The following ZNF682 variants were observed in gnomAD, a reference collection of about 807,000 sequenced individuals.
ZNF682 encodes zinc finger protein 682.
Under a neutral mutation model 36.5 loss-of-function variants are expected in ZNF682, and 29 were observed. That is an observed-to-expected ratio of 0.80 (90% CI 0.59 to 1.08). The LOEUF (loss-of-function observed/expected upper bound fraction) is 1.08, where lower values mean the gene tolerates loss of function less well. Ranked by LOEUF, ZNF682 falls within the 50% of genes least tolerant of loss-of-function variation. The pLI is 0.00. For synonymous variants in ZNF682, 180 were observed against 197.0 expected (o/e 0.91, Z 0.72); for missense variants, 561 against 579.7 (o/e 0.97, Z 0.33).
At chr19:20,001,038 C>G (rs993016261), downstream of ZNF682, among the ~76,000 whole-genome samples, 1 of 152,186 alleles carries the variant, frequency 6.6e-6, no homozygotes, top group African/African-American at 2.4e-5. Flanking sequence ...TGTCCTAGGG[C>G]CTTCCCAGGA....
chr19:20,016,671 A>G (rs2122341911), intron 3 of ZNF682, among the ~76,000 whole-genome samples: 1 of 152,262 alleles, frequency 6.6e-6, no homozygotes, highest in African/African-American at 2.4e-5. Flanking sequence ...TAATACTGCC[A>G]ACAAAGAAAA....
chr19:20,019,733 C>T (rs928408675), intron 3 of ZNF682, among the ~76,000 whole-genome samples: 10 of 152,104 alleles, frequency 6.6e-5, no homozygotes, highest in Admixed American at 1.3e-4. Flanking sequence ...ACCTCAACAT[C>T]ACCAGTCATC....
intron 3 of ZNF682, chr19:20,015,247 C>T (rs1047231043): frequency 2.0e-6 from 2 of 985,098 alleles, no homozygotes; most frequent in African/African-American, 3.5e-5. Flanking sequence ...GAATTTACAA[C>T]AATTCTCATG....
At chr19:20,021,056 A>G (rs1383609051) in intron 3 of ZNF682, among the ~76,000 whole-genome samples, 3 of 48,884 alleles carry the variant, frequency 6.1e-5, no homozygotes, top group African/African-American at 3.2e-4. Context: ...TCCCTGGGCC[A>G]CAGTGGAAGA....
rs951664639 is a variant in ZNF682 at position 20,005,080 on chromosome 19, GTTCT to G, written c.*921_*924del. ...GTTAAATGCTTTCATATAAACTAGC[GTTCT>G]TTCTTTTTTTTTGAGACAGAGTCTC... On this transcript the variant is annotated 3_prime_UTR_variant, in exon 4 of 4. Transcript: ENST00000397165. The G allele has an allele frequency of 2.6e-5, 4 of 151,692 alleles. No individual in the cohort carries two copies. The highest frequency in any genetic ancestry group is 1.5e-5 in the Non-Finnish European group (1 of 67,924). 9.4% of individuals were successfully genotyped at this position (151,692 alleles called of 1,614,324 possible).
intron 1 of ZNF682, among the ~76,000 whole-genome samples, chr19:20,025,494 G>A (rs780052082): frequency 7.9e-5 from 12 of 152,098 alleles, no homozygotes; most frequent in South Asian, 2.1e-4. Context: ...TGGCTAACAT[G>A]GTGAAACTCC....
intron 1 of ZNF682, among the ~76,000 whole-genome samples, chr19:20,034,636 G>C (rs2088511220): frequency 6.6e-6 from 1 of 151,820 alleles, no homozygotes; most frequent in South Asian, 2.1e-4. Flanking sequence ...AGCCGGGCTT[G>C]GTGGCGCATG....
chr19:20,032,488 C>CAAATTG (rs920714117), intron 1 of ZNF682, among the ~76,000 whole-genome samples: 1 of 152,126 alleles, frequency 6.6e-6, no homozygotes, highest in African/African-American at 2.4e-5. Flanking sequence ...ACCATTTTGC[C>CAAATTG]TGCAATTTGG....
intron 3 of ZNF682, among the ~76,000 whole-genome samples, chr19:20,022,690 C>G (rs1261662505): frequency 6.6e-6 from 1 of 151,924 alleles, no homozygotes; most frequent in Non-Finnish European, 1.5e-5. Flanking sequence ...AATAGTTTAA[C>G]ATAGAGTTCC....
In ZNF682 at chr19:20,006,816, T is replaced by C; in HGVS notation, c.686A>G (p.Tyr229Cys). 6.2e-7 allele frequency: 1 copy of C among 1,614,140 alleles called. No homozygotes were observed. Among genetic ancestry groups the C allele is most frequent in the East Asian group, 2.2e-5 (1 of 44,870 alleles). The change falls in exon 4 of 4, where the codon TAC (tyrosine) becomes TGC (cysteine). Residue 229 changes from tyrosine (Y) to cysteine (C), a missense_variant. Physicochemically the swap from Tyr to Cys is radical, Grantham distance 194. Coordinates refer to ENST00000397165, the MANE Select transcript of ZNF682 (RefSeq NM_033196.3). ...HKRIHTGEKP[Y>C]KCEECGKAFN... ...AGCTTTGCCACATTCTTCACATTTG[T>C]ATGGTTTCTCTCCAGTGTGAATTCT...
At chr19:20,022,215 A>G (rs2088391051) in intron 3 of ZNF682, among the ~76,000 whole-genome samples, 1 of 151,714 alleles carries the variant, frequency 6.6e-6, no homozygotes, top group Non-Finnish European at 1.5e-5. Context: ...AAGAAACTTC[A>G]TAAGAAATCA....
intron 1 of ZNF682, among the ~76,000 whole-genome samples, chr19:20,028,085 A>G (rs531372180): frequency 2.6e-5 from 4 of 152,240 alleles, no homozygotes; most frequent in African/African-American, 9.6e-5. Flanking sequence ...GTATTTCTTC[A>G]AACTGGCCAT....
At chr19:20,012,864 T>C (rs2122329041) in intron 3 of ZNF682, among the ~76,000 whole-genome samples, 1 of 146,018 alleles carries the variant, frequency 6.8e-6, no homozygotes, top group African/African-American at 2.5e-5. Context: ...TCAAAAGACA[T>C]AAAAGCAGCC....
At chr19:20,014,342 A>T (rs2088315404) in intron 3 of ZNF682, among the ~76,000 whole-genome samples, 1 of 152,228 alleles carries the variant, frequency 6.6e-6, no homozygotes, top group Admixed American at 6.5e-5. Flanking sequence ...TCAAATAGTT[A>T]CTTGCACACC....
At chr19:19,995,385 C>T (rs543535409), downstream of ZNF682, among the ~76,000 whole-genome samples, 4 of 151,740 alleles carry the variant, frequency 2.6e-5, no homozygotes, top group East Asian at 2.0e-4. Context: ...GAAGCTTTGG[C>T]GCTATCTGGG....
intron 1 of ZNF682, among the ~76,000 whole-genome samples, chr19:20,030,461 T>G (rs550340377): frequency 1.3e-5 from 2 of 152,074 alleles, no homozygotes. Flanking sequence ...TCCCAGCTAC[T>G]CAGGAGGCTG....
intron 3 of ZNF682, among the ~76,000 whole-genome samples, chr19:20,013,419 T>C (rs2088307610): frequency 6.6e-6 from 1 of 152,106 alleles, no homozygotes; most frequent in Admixed American, 6.6e-5. Context: ...TAATAAGTTA[T>C]AAAGCAAGGT....
At chr19:20,011,894 G>A (rs898929906) in intron 3 of ZNF682, among the ~76,000 whole-genome samples, 16 of 152,034 alleles carry the variant, frequency 1.1e-4, no homozygotes, top group South Asian at 4.2e-4. Flanking sequence ...GAAATTAGCC[G>A]GGCGTGGTGG....
At chr19:20,019,336 GA>G (rs2088364581) in intron 3 of ZNF682, among the ~76,000 whole-genome samples, 1 of 152,122 alleles carries the variant, frequency 6.6e-6, no homozygotes, top group South Asian at 2.1e-4. Context: ...AACATACTAT[GA>G]AGGTTTTTCA....
Sources: gnomAD v4.1 joint callset for allele counts (sites outside exome capture counted in the v4.1 genomes callset) on GRCh38, gnomAD v4.1.1 for gene constraint, MANE v1.5 for transcripts, NCBI Gene and HGNC (gene_info 2026-07-23, HGNC 2026-07-21) for gene names.